DNAAF8: variants seen among roughly 807,000 people sequenced by gnomAD.
The protein encoded by DNAAF8 is dynein axonemal assembly factor 8, also known as dynein axonemal-associated protein 1.
DNAAF8 carries 61 observed loss-of-function variants against 54.6 expected under a neutral mutation model. The observed-to-expected ratio is 1.12, with a 90% CI of 0.91 to 1.38. The LOEUF (loss-of-function observed/expected upper bound fraction) is 1.38, where lower values mean the gene tolerates loss of function less well. DNAAF8 is among the 40% of genes most tolerant of loss of function. The pLI is 0.00. For missense variants in DNAAF8, 837 were observed against 665.0 expected, an observed-to-expected ratio of 1.26 and a Z score of -2.85; for synonymous variants, 320 against 270.1, an observed-to-expected ratio of 1.18 and a Z score of -1.81.
intron 5 of DNAAF8, 142 bp downstream of exon 5, chr16:4,743,302 T>G (rs2081975719): frequency 3.4e-6 from 2 of 590,920 alleles, no homozygotes; most frequent in South Asian, 4.4e-5. Flanking sequence ...CCCTAAACAC[T>G]CATGCTGCCA....
intron 3 of DNAAF8, among the ~76,000 whole-genome samples, chr16:4,739,265 G>GTTTTTGTTTTTTTTTT (rs2081931570): frequency 1.4e-5 from 1 of 69,030 alleles, no homozygotes; most frequent in African/African-American, 5.4e-5. Context: ...ATTTTTTCTT[G>GTTTTTGTTTTTTTTTT]TTTTTTTTTT....
In DNAAF8 at chr16:4,740,229, A is replaced by C; in HGVS notation, c.353A>C (p.Gln118Pro). ...ACAAGGACAAAGGATGCATCCTCTC[A>C]GGAAGGAAGAGACCCTGGCAGGCCT... ...QNTRTKDASS[Q>P]EGRDPGRPFE... Residue 118 changes from glutamine (Q) to proline (P), a missense_variant, in exon 4 of 10, where the codon CAG (glutamine) becomes CCG (proline). By Grantham distance (76) the Gln-to-Pro change is moderately conservative. Coordinates refer to ENST00000299320, the MANE Select transcript of DNAAF8 (RefSeq NM_139170.3). 2 of 1,614,064 alleles carry C rather than the reference A, an allele frequency of 1.2e-6. No homozygotes were observed. Among genetic ancestry groups the C allele is most frequent in the Non-Finnish European group, 1.7e-6 (2 of 1,179,964 alleles).
intron 6 of DNAAF8, chr16:4,746,058 G>T: frequency 4.1e-6 from 1 of 245,252 alleles, no homozygotes; most frequent in Non-Finnish European, 7.8e-6. Context: ...CGTGGTGAAT[G>T]TGACTGAGGA....
At chr16:4,747,051 C>A in intron 8 of DNAAF8, 26 bp downstream of exon 8, 1 of 1,504,322 alleles carries the variant, frequency 6.6e-7, no homozygotes, top group Non-Finnish European at 8.9e-7. Flanking sequence ...CCTCTCGCCA[C>A]CTGCAGATGT....
At chr16:4,736,370 A>C (rs1416927300) in intron 1 of DNAAF8, 94 bp from the exon 2 acceptor site, 4 of 948,128 alleles carry the variant, frequency 4.2e-6, no homozygotes, top group Non-Finnish European at 5.7e-6. Context: ...GAGGCCTGCC[A>C]GCCTGTTTGG....
At position 4,748,800 on chromosome 16, in the gene DNAAF8, C is replaced by G. The variant is rs1170876909; in HGVS notation, c.*85C>G. 1 of 152,324 alleles carries G rather than the reference C, an allele frequency of 6.6e-6. No homozygotes were observed. Among genetic ancestry groups the G allele is most frequent in the Non-Finnish European group, 1.5e-5 (1 of 68,112 alleles). The allele number at this position is 152,324 out of a possible 1,614,324, so 9.4% of individuals were successfully genotyped here. ...CTTGGGCCCCACGGTGCCACGGGCT[C>G]AGGCAGCACAGTAGGGCGCCGGGCC... On this transcript the variant is annotated 3_prime_UTR_variant, in exon 10 of 10. Coordinates refer to ENST00000299320, the MANE Select transcript of DNAAF8 (RefSeq NM_139170.3).
At chr16:4,736,360 G>A in intron 1 of DNAAF8, 104 bp from the exon 2 acceptor site, 3 of 803,186 alleles carry the variant, frequency 3.7e-6, no homozygotes, top group South Asian at 7.5e-5. Flanking sequence ...GGCAGGTGGT[G>A]AGGCCTGCCA....
intron 5 of DNAAF8, chr16:4,743,624 CAAATA>C: frequency 6.5e-6 from 1 of 152,768 alleles, no homozygotes; most frequent in South Asian, 2.1e-4. Flanking sequence ...GGAAGTCCTG[CAAATA>C]AAATGAAAGT....
At chr16:4,745,527 G>T (rs1401298132) in intron 6 of DNAAF8, among the ~76,000 whole-genome samples, 2 of 152,220 alleles carry the variant, frequency 1.3e-5, no homozygotes, top group Admixed American at 6.5e-5. Context: ...GTCCCGTAAG[G>T]CCCCTCTATA....
intron 5 of DNAAF8, among the ~76,000 whole-genome samples, 187 bp from the exon 6 acceptor site, chr16:4,744,683 C>G (rs537277378): frequency 2.0e-5 from 3 of 152,322 alleles, no homozygotes; most frequent in South Asian, 4.1e-4. Flanking sequence ...ATTCTGCCCC[C>G]CTCAGCCCTG....
At chr16:4,745,770 G>C (rs1235902145) in intron 6 of DNAAF8, among the ~76,000 whole-genome samples, 1 of 152,070 alleles carries the variant, frequency 6.6e-6, no homozygotes, top group South Asian at 2.1e-4. Context: ...GGCCAACATG[G>C]TGAAACCCCA....
In DNAAF8 at chr16:4,740,430, C is replaced by T. The variant is rs1457986145; in HGVS notation, c.554C>T (p.Pro185Leu). The T allele has an allele frequency of 6.2e-7, 1 of 1,613,882 alleles. No homozygotes were observed. Among genetic ancestry groups the T allele is most frequent in the Non-Finnish European group, 8.5e-7 (1 of 1,179,912 alleles). The change falls in exon 4 of 10, where the codon CCC becomes CTC. Residue 185 changes from proline (P) to leucine (L), a missense_variant. Transcript: ENST00000299320. ...CATGAAGGAGACCCAAAGGCAGAGC[C>T]CCTCAGCACTGCCTCACAAGAATCT... ...SCHEGDPKAE[P>L]LSTASQESVN...
chr16:4,742,537 T>C (rs1247318584), intron 4 of DNAAF8, among the ~76,000 whole-genome samples: 1 of 132,780 alleles, frequency 7.5e-6, no homozygotes, highest in Non-Finnish European at 1.6e-5. Context: ...TGAAACCCCA[T>C]CTCTACTAAA....
intron 7 of DNAAF8, 75 bp downstream of exon 7, chr16:4,746,587 T>C: frequency 6.7e-7 from 1 of 1,494,028 alleles, no homozygotes; most frequent in Non-Finnish European, 9.1e-7. Flanking sequence ...GAGCCTCTGG[T>C]GGATCCTGAT....
At chr16:4,739,785 C>A (rs1043684890) in intron 3 of DNAAF8, among the ~76,000 whole-genome samples, 1 of 151,902 alleles carries the variant, frequency 6.6e-6, no homozygotes, top group Non-Finnish European at 1.5e-5. Context: ...TGGCTTGTGC[C>A]TGTAATCCCA....
At chr16:4,747,818 T>G (rs369019120) in intron 9 of DNAAF8, among the ~76,000 whole-genome samples, 184 bp downstream of exon 9, 1 of 152,102 alleles carries the variant, frequency 6.6e-6, no homozygotes, top group South Asian at 2.1e-4. Flanking sequence ...AGAGGAAGGA[T>G]GCAGATACAA....
At chr16:4,739,268 T>G (rs2081933091) in intron 3 of DNAAF8, among the ~76,000 whole-genome samples, 4 of 130,366 alleles carry the variant, frequency 3.1e-5, no homozygotes, top group African/African-American at 1.1e-4. Flanking sequence ...TTTTCTTGTT[T>G]TTTTTTTTTT....
Position 4,749,262 on chromosome 16 carries a change from C to A in DNAAF8, c.*547C>A, listed in dbSNP as rs2082055749. 5 of 154,478 alleles carry A rather than the reference C, an allele frequency of 3.2e-5. No homozygotes were observed. In the Admixed American group the frequency reaches 3.3e-4, roughly 10 times the overall value. 9.6% of individuals were successfully genotyped at this position (154,478 alleles called of 1,614,324 possible). On this transcript the variant is annotated 3_prime_UTR_variant, in exon 10 of 10. Coordinates refer to ENST00000299320, the MANE Select transcript of DNAAF8 (RefSeq NM_139170.3). Reference sequence around the variant, plus strand: ...CGCAGCCTGGCGGCCTCCGCTGTGGCTGCCTAGCTGTCAAGAGCAAAGGCT... The same window carrying A: ...CGCAGCCTGGCGGCCTCCGCTGTGGATGCCTAGCTGTCAAGAGCAAAGGCT...
At chr16:4,737,280 C>T (rs1370001471) in intron 2 of DNAAF8, among the ~76,000 whole-genome samples, 2 of 152,176 alleles carry the variant, frequency 1.3e-5, no homozygotes, top group African/African-American at 2.4e-5. Context: ...GGACCTCAGA[C>T]GTCATCCAGT....
Sources: gnomAD v4.1 joint callset for allele counts (sites outside exome capture counted in the v4.1 genomes callset) on GRCh38, gnomAD v4.1.1 for gene constraint, MANE v1.5 for transcripts, NCBI Gene and HGNC (gene_info 2026-07-23, HGNC 2026-07-21) for gene names.